Variants in PRDM15 observed in about 807,000 individuals in gnomAD.
PRDM15 encodes the protein PR domain zinc finger protein 15.
A neutral mutation model predicts 128.6 loss-of-function variants in PRDM15; 64 were observed. The observed-to-expected ratio is 0.50, with a 90% CI of 0.41 to 0.61. The LOEUF (loss-of-function observed/expected upper bound fraction) is 0.61, where lower values mean the gene tolerates loss of function less well. Among genes scored for constraint, PRDM15 ranks in the 20% least tolerant of loss-of-function variants. The pLI is 0.00. For synonymous variants in PRDM15, 615 were observed against 621.8 expected, an observed-to-expected ratio of 0.99 and a Z score of 0.16; for missense variants, 1,242 against 1,569.1, an observed-to-expected ratio of 0.79 and a Z score of 3.52.
rs777306178 is a variant in PRDM15, at chr21:41,820,210, C to T, written c.2061-36G>A. The T allele has an allele frequency of 1.9e-6, 3 of 1,573,274 alleles. No homozygotes were observed. The South Asian group carries it at 3.4e-5, about 18-fold the overall frequency. ...AGACAAGCTCAGGATGGCCGCACAG[C>T]CTCGGGGCTCCACGGCAGCGAGGGC... On this transcript the variant is annotated intron_variant, in intron 16 of 23. Transcript: ENST00000398548.
At chr21:41,861,805 A>G in intron 1 of PRDM15, 1 of 1,594,726 alleles carries the variant, frequency 6.3e-7, no homozygotes, top group Non-Finnish European at 8.6e-7. Flanking sequence ...GTTAGCTACA[A>G]GGAAGTGAGG....
At chr21:41,858,932 C>G in intron 3 of PRDM15, 1 of 926,920 alleles carries the variant, frequency 1.1e-6, no homozygotes, top group Non-Finnish European at 1.6e-6. Flanking sequence ...CAGCACGTGC[C>G]AGGTACCATC....
At chr21:41,830,852 C>T (rs996428281) in intron 11 of PRDM15, among the ~76,000 whole-genome samples, 1 of 152,232 alleles carries the variant, frequency 6.6e-6, no homozygotes, top group Non-Finnish European at 1.5e-5. Context: ...ACTGACAGCC[C>T]CCCAGTGCCA....
At chr21:41,861,696 G>A (rs200735421) in intron 1 of PRDM15, 15 of 1,614,194 alleles carry the variant, frequency 9.3e-6, no homozygotes. Context: ...CTTGAAGGGT[G>A]AAAAGCAGAC....
chr21:41,870,345 A>C (rs951641717), intron 1 of PRDM15, among the ~76,000 whole-genome samples: 1 of 152,188 alleles, frequency 6.6e-6, no homozygotes, highest in African/African-American at 2.4e-5. Context: ...AATTTGGACC[A>C]GGCACATCTC....
At chr21:41,813,461 C>T (rs569638386) in intron 19 of PRDM15, 12 of 152,696 alleles carry the variant, frequency 7.9e-5, no homozygotes, top group African/African-American at 2.6e-4. Context: ...TGTGGCAACC[C>T]GCGCCACTCT....
Position 41,846,878 on chromosome 21 carries a change from T to G in PRDM15, c.640+212A>C, listed in dbSNP as rs565662636. 1.2e-3 allele frequency among the ~76,000 whole-genome samples: 173 copies of G among 149,610 alleles called. 1 individual carries two copies. Among genetic ancestry groups the G allele is most frequent in the Non-Finnish European group, 1.5e-3 (102 of 67,240 alleles). On this transcript the variant is annotated intron_variant, in intron 6 of 23. Coordinates refer to ENST00000398548, the MANE Select transcript of PRDM15 (RefSeq NM_001040424.3). ...CTTCCCAACCAGGAGGAGTGAGGAGTGAGGCCTGCAGGGGTCGGGGGTGGG... is the reference window on the plus strand; with the variant it reads ...CTTCCCAACCAGGAGGAGTGAGGAGGGAGGCCTGCAGGGGTCGGGGGTGGG...
chr21:41,878,803 GCGA>G (rs2064520397), intron 1 of PRDM15: 2 of 1,253,110 alleles, frequency 1.6e-6, no homozygotes, highest in African/African-American at 1.6e-5. Flanking sequence ...TGGGGCCTCG[GCGA>G]CGACGCCGCC....
chr21:41,816,889 T>C lies in PRDM15; in HGVS notation c.2261-1053A>G, dbSNP rs562911835. ...CCTGAAAAAGTTACTGTCAATCCTT[T>C]TGATTAAAAAAAAAAAAAAGAGTGC... On this transcript the variant is annotated intron_variant, in intron 18 of 23. Coordinates refer to ENST00000398548, the MANE Select transcript of PRDM15 (RefSeq NM_001040424.3). Among the ~76,000 whole-genome samples the C allele has an allele frequency of 9.5e-3, 340 of 35,736 alleles. 3 individuals are homozygous for C. The highest frequency in any genetic ancestry group is 0.041 in the African/African-American group (324 of 7,916). 23.4% of individuals were successfully genotyped at this position (35,736 alleles called of 152,430 possible). A position where few individuals can be genotyped will look rare whatever the true frequency, so the allele number is the denominator to read the frequency against.
intron 1 of PRDM15, chr21:41,861,566 C>T (rs757733026): frequency 4.4e-6 from 7 of 1,585,100 alleles, no homozygotes; most frequent in East Asian, 2.4e-5. Context: ...TGCGCACCGG[C>T]ATGTCCTTCC....
At chr21:41,849,177 C>T (rs2063352852) in intron 5 of PRDM15, among the ~76,000 whole-genome samples, 1 of 152,206 alleles carries the variant, frequency 6.6e-6, no homozygotes. Flanking sequence ...TTCCAGTGGG[C>T]GCGGCTGACT....
intron 6 of PRDM15, among the ~76,000 whole-genome samples, chr21:41,845,913 T>G (rs1277396494): frequency 1.3e-5 from 2 of 152,148 alleles, no homozygotes; most frequent in South Asian, 2.1e-4. Context: ...TGGGTCTCCA[T>G]GAGGTCCGGG....
chr21:41,859,706 A>G lies in PRDM15; in HGVS notation c.38-21T>C, dbSNP rs2063751310. 2 of 1,606,486 alleles carry G rather than the reference A, an allele frequency of 1.2e-6. No individual in the cohort carries two copies. Among genetic ancestry groups the G allele is most frequent in the Non-Finnish European group, 1.7e-6 (2 of 1,173,794 alleles). On this transcript the variant is annotated intron_variant, in intron 2 of 23. Coordinates refer to ENST00000398548, the MANE Select transcript of PRDM15 (RefSeq NM_001040424.3). This position sits in a 1 kb window ranked among gnomAD's most constrained non-coding sequence, Gnocchi z 5.3. The stretch of plus-strand genomic sequence containing the variant: ...ACACCCTGCAAGCAGACATCCGGGC[A>G]TTAGAGCACCCAGGGAGGGAGACAC...
Position 41,861,539 on chromosome 21 carries a change from C to T in PRDM15, c.-9-1167G>A, listed in dbSNP as rs374804037. On this transcript the variant is annotated intron_variant, in intron 1 of 23. Transcript: ENST00000398548. ...CAAATGATTATTCCTCCTCTGCCCCCCCCCAATCCCCAACTGTGCGCACCG... is the reference window on the plus strand; with the variant it reads ...CAAATGATTATTCCTCCTCTGCCCCTCCCCAATCCCCAACTGTGCGCACCG... 51 of 1,557,762 alleles carry T rather than the reference C, an allele frequency of 3.3e-5. No individual in the cohort carries two copies. In the African/African-American group the frequency reaches 3.4e-4, roughly 10 times the overall value.
Position 41,844,271 on chromosome 21 carries a change from G to A in PRDM15, c.640+2819C>T, listed in dbSNP as rs76041353. Reference sequence around the variant, plus strand: ...GTCTGTCATGTGGCTCTGGGACAGCGCTCAGTGCCAGTCCGCTGAGGATAT... The same window carrying A: ...GTCTGTCATGTGGCTCTGGGACAGCACTCAGTGCCAGTCCGCTGAGGATAT... On this transcript the variant is annotated intron_variant, in intron 6 of 23. Transcript: ENST00000398548. Among the ~76,000 whole-genome samples the A allele has an allele frequency of 5.6e-3, 849 of 152,142 alleles. 7 individuals are homozygous for A. The highest frequency in any genetic ancestry group is 0.045 in the South Asian group (215 of 4,826).
At position 41,832,708 on chromosome 21, in the gene PRDM15, C is replaced by A. The variant is rs1392664850; in HGVS notation, c.1366+2729G>T. ...GTACCAACCAATACAAGTGAGCCCC[C>A]CTCCCAGGCAGGTGCAAATCAGCAC... On this transcript the variant is annotated intron_variant, in intron 11 of 23. Coordinates refer to ENST00000398548, the MANE Select transcript of PRDM15 (RefSeq NM_001040424.3). This position sits in a 1 kb window ranked among gnomAD's most constrained non-coding sequence, Gnocchi z 4.2. Among the ~76,000 whole-genome samples, 2 of 152,170 alleles carry A rather than the reference C, an allele frequency of 1.3e-5. No individual in the cohort carries two copies. Among genetic ancestry groups the A allele is most frequent in the South Asian group, 4.1e-4 (2 of 4,832 alleles).
chr21:41,802,950 C>T (rs1174591839), intron 22 of PRDM15, 29 bp from the exon 23 acceptor site: 1 of 1,598,336 alleles, frequency 6.3e-7, no homozygotes, highest in East Asian at 2.2e-5. Context: ...CAGCCGAGAA[C>T]CAGGTTAGTC....
chr21:41,844,173 C>T (rs1423755694), intron 6 of PRDM15, among the ~76,000 whole-genome samples: 2 of 151,986 alleles, frequency 1.3e-5, no homozygotes, highest in African/African-American at 2.4e-5. Flanking sequence ...AAATGGACAC[C>T]GTTTGCCTCA....
In PRDM15 at chr21:41,825,942, G is replaced by A. The variant is rs372218219; in HGVS notation, c.1629+18C>T. 2.8e-4 allele frequency: 440 copies of A among 1,580,322 alleles called. 2 individuals carry two copies. In the South Asian group the frequency reaches 3.0e-3, roughly 11 times the overall value. On this transcript the variant is annotated intron_variant, in intron 13 of 23. Transcript: ENST00000398548. ...TGTGCTTTCCATCTCAGCGTCCGAC[G>A]TGGACTGCGAGCATTACCTTGCCAC...
Sources: allele counts gnomAD v4.1 joint callset (sites outside exome capture counted in the v4.1 genomes callset), GRCh38; gene constraint gnomAD v4.1.1; non-coding constraint Gnocchi (gnomAD v3.1); transcripts MANE v1.5; gene names NCBI Gene and HGNC (gene_info 2026-07-23, HGNC 2026-07-21).